LIMCH1: variants seen among roughly 807,000 people sequenced by gnomAD.
LIMCH1 encodes LIM and calponin homology domains 1, also known as LIM and calponin homology domains-containing protein 1.
LIMCH1 carries 113 observed loss-of-function variants against 176.5 expected under a neutral mutation model. That is an observed-to-expected ratio of 0.64 (90% CI 0.55 to 0.75). The LOEUF is 0.75. LIMCH1 is among the 30% of genes least tolerant of loss of function. The probability of loss-of-function intolerance (pLI) is 0.00; values close to 1 mark genes in which losing one functional copy is unlikely to be tolerated. For synonymous variants in LIMCH1, 619 were observed against 645.9 expected (o/e 0.96, Z 0.63); for missense variants, 1,674 against 1,814.9 (o/e 0.92, Z 1.41).
intron 16 of LIMCH1, 38 bp from the exon 17 acceptor site, chr4:41,646,447 T>C (rs2094063720): frequency 6.3e-7 from 1 of 1,592,258 alleles, no homozygotes; most frequent in African/African-American, 1.3e-5. Context: ...GCAATTTTCA[T>C]TAGTTGACTT....
chr4:41,390,626 A>G (rs887160965), intron 1 of LIMCH1, among the ~76,000 whole-genome samples: 12 of 152,206 alleles, frequency 7.9e-5, no homozygotes, highest in Admixed American at 7.9e-4. Flanking sequence ...TTAGAATCTA[A>G]CGTTGTATCC....
At chr4:41,655,041 A>G (rs1391284954) in intron 18 of LIMCH1, among the ~76,000 whole-genome samples, 2 of 152,204 alleles carry the variant, frequency 1.3e-5, no homozygotes, top group African/African-American at 4.8e-5. Flanking sequence ...CTGAGGGCTA[A>G]TATATCCTAT....
intron 24 of LIMCH1, 73 bp downstream of exon 24, chr4:41,680,171 T>C: frequency 9.7e-7 from 1 of 1,031,974 alleles, no homozygotes; most frequent in South Asian, 1.4e-5. Context: ...TCTCTGTGTC[T>C]GTGGCATGCG....
At chr4:41,368,516 C>CAA (rs1234841133) in intron 1 of LIMCH1, among the ~76,000 whole-genome samples, 1 of 152,036 alleles carries the variant, frequency 6.6e-6, no homozygotes, top group Non-Finnish European at 1.5e-5. Context: ...TTTAAAAAGA[C>CAA]AAGGATTCTT....
At chr4:41,638,666 CT>C (rs967582488) in intron 13 of LIMCH1, among the ~76,000 whole-genome samples, 62 of 152,200 alleles carry the variant, frequency 4.1e-4, no homozygotes, top group African/African-American at 1.5e-3. Flanking sequence ...TGAACAGATT[CT>C]TTCTTTTTGG....
chr4:41,572,285 C>T (rs1024482372), intron 1 of LIMCH1, among the ~76,000 whole-genome samples: 5 of 151,980 alleles, frequency 3.3e-5, no homozygotes, highest in Admixed American at 6.6e-5. Context: ...ACACACAGTT[C>T]GGGGGTTTAG....
At chr4:41,419,779 C>A (rs1188347587) in intron 1 of LIMCH1, among the ~76,000 whole-genome samples, 1 of 149,644 alleles carries the variant, frequency 6.7e-6, no homozygotes, top group Non-Finnish European at 1.5e-5. Flanking sequence ...CCCTCCTCTC[C>A]TTCCTTTCTT....
At chr4:41,441,672 C>G (rs982343416) in intron 1 of LIMCH1, among the ~76,000 whole-genome samples, 5 of 152,096 alleles carry the variant, frequency 3.3e-5, no homozygotes, top group African/African-American at 1.2e-4. Flanking sequence ...CTGAATAGTG[C>G]CATTTCATTT....
chr4:41,485,365 A>G (rs1394927271), intron 1 of LIMCH1, among the ~76,000 whole-genome samples: 1 of 152,188 alleles, frequency 6.6e-6, no homozygotes, highest in East Asian at 1.9e-4. Flanking sequence ...TTCCTTTAAA[A>G]TCATCAAGAT....
intron 1 of LIMCH1, among the ~76,000 whole-genome samples, chr4:41,407,561 C>G (rs2059094049): frequency 6.6e-6 from 1 of 152,206 alleles, no homozygotes; most frequent in African/African-American, 2.4e-5. Flanking sequence ...AGTAAAGAGT[C>G]CTGGAGGGAC....
intron 10 of LIMCH1, among the ~76,000 whole-genome samples, chr4:41,631,861 GAGAA>G (rs1172152321): frequency 2.0e-5 from 3 of 152,180 alleles, no homozygotes; most frequent in Non-Finnish European, 4.4e-5. Context: ...CCCTTAGAGA[GAGAA>G]AGAAAAAGTT....
At chr4:41,468,785 C>A (rs1226110567) in intron 1 of LIMCH1, among the ~76,000 whole-genome samples, 1 of 152,022 alleles carries the variant, frequency 6.6e-6, no homozygotes, top group Non-Finnish European at 1.5e-5. Context: ...TCGTACACAC[C>A]TAGTGTCTCT....
chr4:41,565,151 G>T (rs1037909042), intron 1 of LIMCH1, among the ~76,000 whole-genome samples: 2 of 152,122 alleles, frequency 1.3e-5, no homozygotes, highest in Non-Finnish European at 2.9e-5. Context: ...AAAGTGATGG[G>T]ACACTGCTGT....
chr4:41,631,374 A>G lies in LIMCH1; in HGVS notation c.1498A>G (p.Ile500Val), dbSNP rs1307464978. The change falls in exon 10 of 32, where the codon ATC becomes GTC. Residue 500 changes from isoleucine to valine, a missense_variant. Ile to Val is a conservative substitution (Grantham distance 29). This residue lies in a region of LIMCH1 where 655 missense variants were observed against 692.2 expected (regional missense o/e 0.95). Transcript: ENST00000503057. ...GCCTAGAGAGGATGAAGAAGAAGTCATCTGTCATGGCAGCAAGATTCAAAT... is the reference window on the plus strand; with the variant it reads ...GCCTAGAGAGGATGAAGAAGAAGTCGTCTGTCATGGCAGCAAGATTCAAAT... ...AGPREDEEEV[I>V]CHGSKIQMDS... The G allele has an allele frequency of 6.5e-7, 1 of 1,536,282 alleles. No individual in the cohort carries two copies. Among genetic ancestry groups the G allele is most frequent in the South Asian group, 1.2e-5 (1 of 84,056 alleles).
At chr4:41,542,610 A>G (rs948475104) in intron 1 of LIMCH1, among the ~76,000 whole-genome samples, 5 of 152,114 alleles carry the variant, frequency 3.3e-5, no homozygotes, top group East Asian at 1.9e-4. Context: ...AGGCTGTGCT[A>G]TTTCCTGAAG....
intron 1 of LIMCH1, among the ~76,000 whole-genome samples, chr4:41,543,908 G>T (rs945380581): frequency 6.6e-6 from 1 of 152,042 alleles, no homozygotes; most frequent in East Asian, 1.9e-4. Flanking sequence ...TAAAATGGGC[G>T]ATGGATTTTT....
At chr4:41,426,692 GA>G (rs920073826) in intron 1 of LIMCH1, among the ~76,000 whole-genome samples, 3 of 152,162 alleles carry the variant, frequency 2.0e-5, no homozygotes, top group African/African-American at 7.2e-5. Flanking sequence ...TTAAACTTAA[GA>G]GTTGGCACGG....
rs201948636 is a variant in LIMCH1 at position 41,620,497 on chromosome 4, A to C, written c.532A>C (p.Asn178His). The C allele has an allele frequency of 1.0e-3, 1,570 of 1,536,364 alleles. 2 individuals carry two copies. Among genetic ancestry groups the C allele is most frequent in the Non-Finnish European group, 1.3e-3 (1,502 of 1,146,970 alleles). ...TGAAGACAACCCAGCTGGCCAAATG[A>C]ATCCTGGTTGGAAGCCTTCCGATGG... is the stretch of plus-strand genomic sequence containing the variant. ...AGEDNPAGQM[N>H]PGWKPSDGGC... The change falls in exon 7 of 32, where the codon AAT becomes CAT. Residue 178 changes from asparagine to histidine, a missense_variant. Transcript: ENST00000503057.
intron 1 of LIMCH1, among the ~76,000 whole-genome samples, chr4:41,436,013 G>T (rs538366117): frequency 3.2e-4 from 49 of 152,222 alleles, no homozygotes; most frequent in African/African-American, 1.2e-3. Context: ...TACCATATTT[G>T]TTCCACTTTC....
Sources: allele counts gnomAD v4.1 joint callset (sites outside exome capture counted in the v4.1 genomes callset), GRCh38; gene constraint gnomAD v4.1.1; regional missense constraint gnomAD v4.1.1; transcripts MANE v1.5; gene names NCBI Gene and HGNC (gene_info 2026-07-23, HGNC 2026-07-21).